The following TTLL11 variants were observed in gnomAD, a reference collection of about 807,000 sequenced individuals.
TTLL11 encodes the protein tubulin tyrosine ligase like 11.
Under a neutral mutation model 51.7 loss-of-function variants are expected in TTLL11, and 42 were observed. The ratio of observed to expected loss-of-function variants is 0.81; its 90% CI spans 0.64 to 1.05. The LOEUF (loss-of-function observed/expected upper bound fraction) is 1.05, where lower values mean the gene tolerates loss of function less well. TTLL11 is among the 50% of genes least tolerant of loss of function. The pLI is 0.00. For synonymous variants in TTLL11, 381 were observed against 383.5 expected, an observed-to-expected ratio of 0.99 and a Z score of 0.08; for missense variants, 799 against 940.4, an observed-to-expected ratio of 0.85 and a Z score of 1.97.
intron 6 of TTLL11, among the ~76,000 whole-genome samples, chr9:121,927,628 ATTTT>A (rs59367881): frequency 0.017 from 2,440 of 144,008 alleles, 22 homozygotes; most frequent in African/African-American, 0.036. Flanking sequence ...AGAAGGTGGC[ATTTT>A]TTTTTTTTTT....
intron 8 of TTLL11, among the ~76,000 whole-genome samples, chr9:121,836,261 A>C (rs1453443035): frequency 6.6e-6 from 1 of 152,166 alleles, no homozygotes; most frequent in Non-Finnish European, 1.5e-5. Flanking sequence ...AGAGTCCTCC[A>C]GGCTGGGGCT....
At chr9:122,088,312 C>G (rs1351133634) in intron 1 of TTLL11, among the ~76,000 whole-genome samples, 3 of 152,176 alleles carry the variant, frequency 2.0e-5, no homozygotes, top group African/African-American at 7.2e-5. Context: ...CCTCCCAGAC[C>G]AAACTGTAAC....
intron 1 of TTLL11, among the ~76,000 whole-genome samples, chr9:122,077,467 A>G (rs748479614): frequency 6.3e-4 from 96 of 152,328 alleles, no homozygotes; most frequent in Non-Finnish European, 1.3e-3. Flanking sequence ...AATCAATAGA[A>G]GAATAAAAAT....
chr9:122,053,075 A>C (rs1455965467), intron 1 of TTLL11, among the ~76,000 whole-genome samples: 1 of 152,210 alleles, frequency 6.6e-6, no homozygotes. Flanking sequence ...GAGTCCCCAG[A>C]CATGCCTGCT....
intron 1 of TTLL11, among the ~76,000 whole-genome samples, chr9:122,048,023 C>G (rs1478427333): frequency 1.3e-5 from 2 of 152,162 alleles, no homozygotes; most frequent in African/African-American, 4.8e-5. Context: ...ATTTCCTCTC[C>G]TTCCTGAATC....
chr9:122,062,462 C>CTTTTTTTTTTTTTTTTT (rs386416145), intron 1 of TTLL11, among the ~76,000 whole-genome samples: 4 of 77,702 alleles, frequency 5.1e-5, no homozygotes, highest in Non-Finnish European at 6.7e-5. Flanking sequence ...TTATATTATG[C>CTTTTTTTTTTTTTTTTT]TTTTTTTTTT....
Position 121,989,892 on chromosome 9 carries a change from A to C in TTLL11, c.694-122T>G. 1.3e-6 allele frequency: 2 copies of C among 1,493,928 alleles called. No individual in the cohort carries two copies. The highest frequency in any genetic ancestry group is 1.8e-6 in the Non-Finnish European group (2 of 1,131,378). The allele number at this position is 1,493,928 out of a possible 1,614,324, so 92.5% of individuals were successfully genotyped here. A position where few individuals can be genotyped will look rare whatever the true frequency, so the allele number is the denominator to read the frequency against. ...CAAGATGATCCCTGCCGATCTGAGC[A>C]GGGGCTGAGCATCTTCCATGGAGAT... On this transcript the variant is annotated intron_variant, in intron 3 of 8. Transcript: ENST00000321582. The surrounding 1 kb of genome is among the most constrained non-coding windows in gnomAD (Gnocchi z 4.2).
chr9:122,012,720 GGGATACAATTCA>G (rs1843847146), intron 3 of TTLL11, among the ~76,000 whole-genome samples: 2 of 151,624 alleles, frequency 1.3e-5, no homozygotes, highest in Admixed American at 1.3e-4. Flanking sequence ...AAGCCAAACA[GGGATACAATTCA>G]GTCAAAAAGA....
chr9:121,834,351 T>C (rs1477565944), intron 8 of TTLL11, among the ~76,000 whole-genome samples: 1 of 152,180 alleles, frequency 6.6e-6, no homozygotes, highest in Admixed American at 6.5e-5. Context: ...GCTCCATGAA[T>C]AGGGACAGGG....
chr9:121,887,260 C>G (rs1462738557), intron 6 of TTLL11, among the ~76,000 whole-genome samples: 2 of 152,186 alleles, frequency 1.3e-5, no homozygotes, highest in African/African-American at 4.8e-5. Context: ...GCCCAAGCAG[C>G]TTCCTTTGCT....
intron 6 of TTLL11, among the ~76,000 whole-genome samples, chr9:121,883,464 A>G (rs1040097425): frequency 6.6e-6 from 1 of 152,230 alleles, no homozygotes; most frequent in Admixed American, 6.5e-5. Flanking sequence ...CACCTCCTCC[A>G]GGAAGATTTC....
Position 121,870,531 on chromosome 9 carries a change from T to G in TTLL11, c.1699A>C (p.Lys567Gln). ...IRFLGIKGTM[K>Q]LGPTGFRTFI... ...GTACGAAAGCCTGTTGGCCCCAACT[T>G]CATTGTCCCCTTGATGCCCAGGAAC... is the stretch of plus-strand genomic sequence containing the variant. The change falls in exon 7 of 9, where the codon AAG becomes CAG. Residue 567 changes from lysine to glutamine, a missense_variant. Coordinates refer to ENST00000321582, the MANE Select transcript of TTLL11 (RefSeq NM_001139442.2). 1 of 1,551,676 alleles carries G rather than the reference T, an allele frequency of 6.4e-7. No individual in the cohort carries two copies. The highest frequency in any genetic ancestry group is 1.2e-5 in the South Asian group (1 of 84,054).
chr9:121,839,166 C>T (rs1330939672), intron 8 of TTLL11, among the ~76,000 whole-genome samples: 1 of 152,246 alleles, frequency 6.6e-6, no homozygotes, highest in African/African-American at 2.4e-5. Flanking sequence ...ACTTATTTCA[C>T]AGAACGCATC....
At chr9:121,898,621 C>T (rs553525361) in intron 6 of TTLL11, among the ~76,000 whole-genome samples, 44 of 152,340 alleles carry the variant, frequency 2.9e-4, no homozygotes, top group African/African-American at 9.6e-4. Flanking sequence ...GCTTGATGGC[C>T]GTGTGTCCAC....
rs115763928 is a variant in TTLL11 at position 121,838,926 on chromosome 9, C to T, written c.1841-16047G>A. ...TGCCCTGCTCTGAGGGATCGAGCCC[C>T]GCCTCTCCAGCTGCCGCTGTAACCC... is the stretch of plus-strand genomic sequence containing the variant. On this transcript the variant is annotated intron_variant, in intron 8 of 8. Transcript: ENST00000321582. 9.2e-3 allele frequency among the ~76,000 whole-genome samples: 1,406 copies of T among 152,306 alleles called. 28 individuals are homozygous for T. The highest frequency in any genetic ancestry group is 0.032 in the African/African-American group (1,343 of 41,570).
intron 6 of TTLL11, among the ~76,000 whole-genome samples, chr9:121,948,765 T>C (rs1029016924): frequency 3.9e-5 from 6 of 152,160 alleles, no homozygotes; most frequent in African/African-American, 1.4e-4. Context: ...GCAGAGTGGG[T>C]TAGACCATTC....
intron 1 of TTLL11, among the ~76,000 whole-genome samples, chr9:122,073,082 A>T (rs1845768762): frequency 6.6e-6 from 1 of 152,214 alleles, no homozygotes; most frequent in Non-Finnish European, 1.5e-5. Flanking sequence ...ATAATGAACA[A>T]GACAGATGTG....
At chr9:121,934,795 C>T (rs11999315) in intron 6 of TTLL11, among the ~76,000 whole-genome samples, 53,588 of 151,984 alleles carry the variant, frequency 0.35, 9,798 homozygotes, top group Middle Eastern at 0.43. Flanking sequence ...TAAAAAGAAG[C>T]GTGTTCAAGG....
At chr9:121,944,671 T>C (rs751947800) in intron 6 of TTLL11, among the ~76,000 whole-genome samples, 4 of 152,186 alleles carry the variant, frequency 2.6e-5, no homozygotes, top group Admixed American at 6.5e-5. Flanking sequence ...GCGTGGTCCA[T>C]TGGCAAATGG....
Sources: gnomAD v4.1 joint callset for allele counts (sites outside exome capture counted in the v4.1 genomes callset) on GRCh38, gnomAD v4.1.1 for gene constraint, Gnocchi (gnomAD v3.1) non-coding constraint, MANE v1.5 for transcripts, NCBI Gene and HGNC (gene_info 2026-07-23, HGNC 2026-07-21) for gene names.